Variants in ADGRB3 observed in about 807,000 individuals in gnomAD.
ADGRB3 encodes the protein adhesion G protein-coupled receptor B3.
In ADGRB3, 37 loss-of-function variants were observed where a neutral mutation model predicts 193.4. The ratio of observed to expected loss-of-function variants is 0.19; its 90% CI spans 0.15 to 0.25. The LOEUF is 0.25. ADGRB3 is among the 10% of genes least tolerant of loss of function. The probability of loss-of-function intolerance (pLI) is 1.00; values close to 1 mark genes in which losing one functional copy is unlikely to be tolerated. For missense variants in ADGRB3, 1,637 were observed against 1,852.9 expected, an observed-to-expected ratio of 0.88 and a Z score of 2.14; for synonymous variants, 690 against 644.2, an observed-to-expected ratio of 1.07 and a Z score of -1.08.
intron 11 of ADGRB3, among the ~76,000 whole-genome samples, chr6:69,002,912 C>G (rs13219339): frequency 0.29 from 44,365 of 151,916 alleles, 6,864 homozygotes; most frequent in Non-Finnish European, 0.34. Context: ...TCTCAAACAT[C>G]AGTAAGGGAG....
intron 24 of ADGRB3, among the ~76,000 whole-genome samples, chr6:69,333,272 A>G (rs561534659): frequency 6.6e-6 from 1 of 152,340 alleles, no homozygotes; most frequent in African/African-American, 2.4e-5. Context: ...AACGTTAAAC[A>G]TTAAGGCTTT....
Position 68,645,607 on chromosome 6 carries a change from G to A in ADGRB3, c.757+6175G>A, listed in dbSNP as rs191343067. Reference sequence around the variant, plus strand: ...AGAATAATACCTACTGCAATGGAGTGTCATACTAAATGAGATTGCTTGTAT... The same window carrying A: ...AGAATAATACCTACTGCAATGGAGTATCATACTAAATGAGATTGCTTGTAT... On this transcript the variant is annotated intron_variant, in intron 3 of 31. Transcript: ENST00000370598. 3.2e-3 allele frequency among the ~76,000 whole-genome samples: 492 copies of A among 152,276 alleles called. 3 individuals carry two copies. Among genetic ancestry groups the A allele is most frequent in the African/African-American group, 0.011 (469 of 41,566 alleles).
At chr6:69,226,874 A>T (rs1766027820) in intron 17 of ADGRB3, among the ~76,000 whole-genome samples, 1 of 152,208 alleles carries the variant, frequency 6.6e-6, no homozygotes, top group Non-Finnish European at 1.5e-5. Flanking sequence ...GCACTTCAAG[A>T]TGATAAGAGT....
chr6:69,013,657 A>G (rs1477084068), intron 11 of ADGRB3, among the ~76,000 whole-genome samples: 1 of 152,120 alleles, frequency 6.6e-6, no homozygotes, highest in Non-Finnish European at 1.5e-5. Context: ...ACCACAACTC[A>G]CAATTTAACA....
Position 68,878,179 on chromosome 6 carries a change from TTC to T in ADGRB3, c.758-52378_758-52377del, listed in dbSNP as rs560885436. Among the ~76,000 whole-genome samples, 5 of 152,082 alleles carry T rather than the reference TTC, an allele frequency of 3.3e-5. No homozygotes were observed. In the South Asian group the frequency reaches 1.0e-3, roughly 31 times the overall value. ...CTTTTAGGATAACTTTTTAAAATAC[TTC>T]TTTTTCTTTTTATTGAAAAATGTTC... On this transcript the variant is annotated intron_variant, in intron 3 of 31. Coordinates refer to ENST00000370598, the MANE Select transcript of ADGRB3 (RefSeq NM_001704.3).
At chr6:69,293,195 C>T (rs554013035) in intron 20 of ADGRB3, among the ~76,000 whole-genome samples, 6 of 152,150 alleles carry the variant, frequency 3.9e-5, no homozygotes, top group East Asian at 3.9e-4. Context: ...AAAGTATTTT[C>T]GATTTTTTTT....
At chr6:68,885,836 A>C (rs1765891748) in intron 3 of ADGRB3, among the ~76,000 whole-genome samples, 1 of 152,184 alleles carries the variant, frequency 6.6e-6, no homozygotes, top group African/African-American at 2.4e-5. Context: ...AACCTGACAA[A>C]GGGATTTGAA....
intron 8 of ADGRB3, among the ~76,000 whole-genome samples, chr6:68,969,987 C>A (rs1417147071): frequency 6.6e-6 from 1 of 152,196 alleles, no homozygotes. Flanking sequence ...TATACTTGGT[C>A]TTACTCTTCT....
intron 3 of ADGRB3, among the ~76,000 whole-genome samples, chr6:68,925,637 A>G (rs1767159069): frequency 6.6e-6 from 1 of 151,990 alleles, no homozygotes; most frequent in Non-Finnish European, 1.5e-5. Context: ...TTAAAAGATT[A>G]TTTTTATTTT....
intron 17 of ADGRB3, among the ~76,000 whole-genome samples, chr6:69,161,160 T>C (rs1450363132): frequency 6.6e-6 from 1 of 152,128 alleles, no homozygotes; most frequent in Non-Finnish European, 1.5e-5. Flanking sequence ...AAGCCTAATA[T>C]GTAATCTGCA....
At chr6:69,125,722 A>G (rs914222051) in intron 17 of ADGRB3, among the ~76,000 whole-genome samples, 6 of 152,226 alleles carry the variant, frequency 3.9e-5, no homozygotes, top group African/African-American at 1.4e-4. Flanking sequence ...TAAAGGGGAG[A>G]TCTGACTAAC....
rs576269414 is a variant in ADGRB3, at chr6:68,639,173, T to G, written c.498T>G (p.Phe166Leu). Residue 166 changes from phenylalanine to leucine, a missense_variant, in exon 3 of 32, where the codon TTT becomes TTG. Around this residue, in one of 7 missense-constraint regions of ADGRB3, gnomAD observed 365 missense variants for 409.8 expected, o/e 0.89. Coordinates refer to ENST00000370598, the MANE Select transcript of ADGRB3 (RefSeq NM_001704.3). ...LVLNKVSPSQ[F>L]GCHVLCTWLE... is the part of the protein sequence containing the mutation. ...TGAACAAGGTCAGCCCAAGCCAGTT[T>G]GGTTGCCATGTATTATGTACTTGGT... is the stretch of plus-strand genomic sequence containing the variant. The G allele has an allele frequency of 6.2e-7, 1 of 1,614,194 alleles. No individual in the cohort carries two copies. Among genetic ancestry groups the G allele is most frequent in the South Asian group, 1.1e-5 (1 of 91,078 alleles).
chr6:69,279,217 A>G (rs1767373646), intron 20 of ADGRB3, among the ~76,000 whole-genome samples: 2 of 147,008 alleles, frequency 1.4e-5, no homozygotes, highest in Non-Finnish European at 3.0e-5. Context: ...AACCTACTGA[A>G]CATCATAGCT....
chr6:69,128,816 A>T (rs1400714562), intron 17 of ADGRB3, among the ~76,000 whole-genome samples: 2 of 152,154 alleles, frequency 1.3e-5, no homozygotes, highest in African/African-American at 2.4e-5. Context: ...TATAATTCCC[A>T]TGTTCCTTAT....
At chr6:68,799,732 G>A (rs1169639657) in intron 3 of ADGRB3, among the ~76,000 whole-genome samples, 1 of 152,114 alleles carries the variant, frequency 6.6e-6, no homozygotes, top group African/African-American at 2.4e-5. Flanking sequence ...CTGTGAGAAG[G>A]TGATACTTAA....
At chr6:68,991,869 C>T (rs1769248268) in intron 10 of ADGRB3, among the ~76,000 whole-genome samples, 1 of 152,098 alleles carries the variant, frequency 6.6e-6, no homozygotes, top group African/African-American at 2.4e-5. Context: ...ACATGGTAAG[C>T]TGAGTGTCCA....
At chr6:69,018,311 G>C in intron 12 of ADGRB3, 80 bp from the exon 13 acceptor site, 1 of 801,284 alleles carries the variant, frequency 1.2e-6, no homozygotes, top group Non-Finnish European at 1.9e-6. Flanking sequence ...GTGATTTCAT[G>C]TAGTTTAAAA....
At chr6:68,756,194 G>A (rs925439071) in intron 3 of ADGRB3, among the ~76,000 whole-genome samples, 1 of 152,086 alleles carries the variant, frequency 6.6e-6, no homozygotes, top group African/African-American at 2.4e-5. Context: ...GGAGACGGCT[G>A]TATATAACTT....
At chr6:69,216,729 G>C (rs1281369722) in intron 17 of ADGRB3, among the ~76,000 whole-genome samples, 1 of 152,190 alleles carries the variant, frequency 6.6e-6, no homozygotes, top group Non-Finnish European at 1.5e-5. Flanking sequence ...GGCTTGGACA[G>C]AATAACCAGA....
Sources: gnomAD v4.1 joint callset for allele counts (sites outside exome capture counted in the v4.1 genomes callset) on GRCh38, gnomAD v4.1.1 for gene constraint, gnomAD v4.1.1 regional missense constraint, MANE v1.5 for transcripts, NCBI Gene and HGNC (gene_info 2026-07-23, HGNC 2026-07-21) for gene names.